Variants in LPIN1 observed in about 807,000 individuals in gnomAD.
The protein encoded by LPIN1 is lipin 1.
In LPIN1, 71 loss-of-function variants were observed where a neutral mutation model predicts 107.5. The ratio of observed to expected loss-of-function variants is 0.66; its 90% CI spans 0.55 to 0.80. The LOEUF (loss-of-function observed/expected upper bound fraction) is 0.80, where lower values mean the gene tolerates loss of function less well. LPIN1 is among the 30% of genes least tolerant of loss of function. LPIN1 has a pLI of 0.00. For synonymous variants in LPIN1, 445 were observed against 452.6 expected (o/e 0.98, Z 0.21); for missense variants, 1,043 against 1,160.6 (o/e 0.90, Z 1.47).
intron 2 of LPIN1, among the ~76,000 whole-genome samples, chr2:11,719,219 C>G (rs935797612): frequency 2.6e-5 from 4 of 151,988 alleles, no homozygotes; most frequent in African/African-American, 9.7e-5. Flanking sequence ...AATTGTTTCC[C>G]CTGTTTGTTA....
intron 20 of LPIN1, among the ~76,000 whole-genome samples, chr2:11,821,189 C>A (rs950274243): frequency 6.6e-6 from 1 of 152,176 alleles, no homozygotes; most frequent in African/African-American, 2.4e-5. Context: ...AGAGACTACA[C>A]CTCTTCTGGT....
chr2:11,741,033 C>T (rs1290752972), intron 1 of LPIN1: 1 of 205,302 alleles, frequency 4.9e-6, no homozygotes, highest in Non-Finnish European at 9.7e-6. Flanking sequence ...TTTACTTATT[C>T]ACAATTTGGG....
At chr2:11,703,528 G>A (rs1662985600) in intron 1 of LPIN1, among the ~76,000 whole-genome samples, 1 of 152,182 alleles carries the variant, frequency 6.6e-6, no homozygotes, top group South Asian at 2.1e-4. Flanking sequence ...AGGTGATAAA[G>A]CAATAGGATT....
chr2:11,767,863 G>A lies in LPIN1; in HGVS notation c.288+5G>A. On this transcript the variant is annotated splice_donor_5th_base_variant and intron_variant, in intron 3 of 20. Coordinates refer to ENST00000674199, the MANE Select transcript of LPIN1 (RefSeq NM_001349206.2). ...CAAGAAACAGATAATGATCAGGTAA[G>A]GAAGCCTGGGTGGTCAGGGTTACTT... 6.3e-7 allele frequency: 1 copy of A among 1,579,716 alleles called. No homozygotes were observed. Among genetic ancestry groups the A allele is most frequent in the Non-Finnish European group, 8.7e-7 (1 of 1,148,552 alleles).
chr2:11,749,650 A>G (rs1012301175), intron 1 of LPIN1, among the ~76,000 whole-genome samples: 3 of 152,104 alleles, frequency 2.0e-5, no homozygotes, highest in Admixed American at 2.0e-4. Flanking sequence ...GTGGCCCAGG[A>G]GTCTTAAAAC....
intron 1 of LPIN1, among the ~76,000 whole-genome samples, chr2:11,708,607 G>GTGC (rs909214598): frequency 6.6e-6 from 1 of 152,168 alleles, no homozygotes; most frequent in Non-Finnish European, 1.5e-5. Flanking sequence ...GTGGTGTGAT[G>GTGC]TGCTCAATGG....
upstream of LPIN1, chr2:11,723,853 A>G (rs1664344028): frequency 6.6e-6 from 1 of 152,230 alleles, no homozygotes; most frequent in Non-Finnish European, 1.5e-5. Flanking sequence ...TGATTGGACA[A>G]TAATTCAAAA....
Position 11,756,528 on chromosome 2 carries a change from AC to A in LPIN1, c.-9-9004del, listed in dbSNP as rs547659651. On this transcript the variant is annotated intron_variant, in intron 1 of 20. Transcript: ENST00000674199. Reference sequence around the variant, plus strand: ...CTCAGCCTCTCGAGTAGCTGGGATTACAGGCACTCACCATCATGCTAATTTT... The same window carrying A: ...CTCAGCCTCTCGAGTAGCTGGGATTAAGGCACTCACCATCATGCTAATTTT... Among the ~76,000 whole-genome samples the A allele has an allele frequency of 8.5e-5, 13 of 152,204 alleles. No individual in the cohort carries two copies. In the South Asian group the frequency reaches 2.7e-3, roughly 32 times the overall value.
chr2:11,824,686 C>G lies in LPIN1; in HGVS notation c.2676C>G (p.Ser892Arg). Residue 892 changes from serine (S) to arginine (R), a missense_variant, in exon 21 of 21, where the codon AGC (serine) becomes AGG (arginine). Transcript: ENST00000674199. ...ACGTTTTCCCGTTGCTGAAAAGAAGCCATTCTTCAGACTTTCCCTGTTCGG... is the reference window on the plus strand; with the variant it reads ...ACGTTTTCCCGTTGCTGAAAAGAAGGCATTCTTCAGACTTTCCCTGTTCGG... ...VDHVFPLLKR[S>R]HSSDFPCSDT... is the part of the protein sequence containing the mutation. The G allele has an allele frequency of 6.2e-7, 1 of 1,614,102 alleles. No individual in the cohort carries two copies. Among genetic ancestry groups the G allele is most frequent in the Non-Finnish European group, 8.5e-7 (1 of 1,180,018 alleles).
chr2:11,801,863 A>G (rs7566488), intron 14 of LPIN1, among the ~76,000 whole-genome samples: 30,653 of 152,080 alleles, frequency 0.2, 3,354 homozygotes, highest in Middle Eastern at 0.32. Context: ...GCAAATATAT[A>G]CGTTTATCAG....
chr2:11,761,277 A>G lies in LPIN1; in HGVS notation c.-9-4256A>G, dbSNP rs193081606. On this transcript the variant is annotated intron_variant, in intron 1 of 20. Transcript: ENST00000674199. ...CAAAGAATCATTTCTTATATTGTACATCTTTTCAGGAACCATCCCACTGCA... is the reference window on the plus strand; with the variant it reads ...CAAAGAATCATTTCTTATATTGTACGTCTTTTCAGGAACCATCCCACTGCA... Among the ~76,000 whole-genome samples the G allele has an allele frequency of 2.7e-4, 41 of 152,356 alleles. No individual in the cohort carries two copies. The East Asian group carries it at 5.8e-3, about 21-fold the overall frequency.
chr2:11,741,914 C>G (rs975236678), upstream of LPIN1: 1 of 152,582 alleles, frequency 6.6e-6, no homozygotes, highest in African/African-American at 2.4e-5. Context: ...AGTGATAAGT[C>G]CATGCAATCA....
At chr2:11,678,799 A>G (rs1292278236) in intron 1 of LPIN1, among the ~76,000 whole-genome samples, 1 of 152,194 alleles carries the variant, frequency 6.6e-6, no homozygotes, top group East Asian at 1.9e-4. Flanking sequence ...CCCTTTGGGC[A>G]AGTATTTCCT....
At chr2:11,746,590 G>GC (rs1666950469), upstream of LPIN1, 13 of 930,504 alleles carry the variant, frequency 1.4e-5, no homozygotes, top group South Asian at 6.0e-4. Flanking sequence ...CCCCTGCCCC[G>GC]CCCCCGAAGG....
intron 1 of LPIN1, among the ~76,000 whole-genome samples, chr2:11,736,715 C>T (rs1463288023): frequency 2.0e-5 from 3 of 152,210 alleles, no homozygotes; most frequent in Admixed American, 2.0e-4. Context: ...TTAGAAATAT[C>T]CATTGCAGTC....
chr2:11,789,529 CATGTGTGCGTGCAT>C (rs1675310151), intron 12 of LPIN1, among the ~76,000 whole-genome samples: 2 of 143,460 alleles, frequency 1.4e-5, no homozygotes, highest in Non-Finnish European at 3.1e-5. Context: ...TGGATGTGCA[CATGTGTGCGTGCAT>C]GTGTGGATGT....
rs780262395 is a variant in LPIN1 at position 11,802,999 on chromosome 2, A to G, written c.1979A>G (p.Tyr660Cys). Residue 660 changes from tyrosine (Y) to cysteine (C), a missense_variant, in exon 15 of 21, where the codon TAC (tyrosine) becomes TGC (cysteine). Physicochemically the swap from Tyr to Cys is radical, Grantham distance 194. Coordinates refer to ENST00000674199, the MANE Select transcript of LPIN1 (RefSeq NM_001349206.2). ...CTCCCTCTTCTGCCTAATGTCAGCTACAAGAAGACTCTCCGGCTGACTTCC... is the reference window on the plus strand; with the variant it reads ...CTCCCTCTTCTGCCTAATGTCAGCTGCAAGAAGACTCTCCGGCTGACTTCC... The part of the protein sequence containing the change: ...GHLPLLPNVS[Y>C]KKTLRLTSEQ... The G allele has an allele frequency of 1.7e-5, 27 of 1,612,896 alleles. No individual in the cohort carries two copies. Among genetic ancestry groups the G allele is most frequent in the Admixed American group, 3.3e-5 (2 of 60,012 alleles).
Position 11,827,123 on chromosome 2 carries a change from A to G in LPIN1, c.*2332A>G, listed in dbSNP as rs1682461759. On this transcript the variant is annotated 3_prime_UTR_variant, in exon 21 of 21. Coordinates refer to ENST00000674199, the MANE Select transcript of LPIN1 (RefSeq NM_001349206.2). This position sits in a 1 kb window ranked among gnomAD's most constrained non-coding sequence, Gnocchi z 4.1. ...ATGGAAATGAATCCTACTTAGTGAC[A>G]AGTCATCAAATGTTTGTCACATGTG... 1 of 152,690 alleles carries G rather than the reference A, an allele frequency of 6.5e-6. No individual in the cohort carries two copies. The highest frequency in any genetic ancestry group is 2.4e-5 in the African/African-American group (1 of 41,456). 9.5% of individuals were successfully genotyped at this position (152,690 alleles called of 1,614,324 possible).
At chr2:11,746,396 T>A (rs1259642040), upstream of LPIN1, among the ~76,000 whole-genome samples, 2 of 152,130 alleles carry the variant, frequency 1.3e-5, no homozygotes, top group Non-Finnish European at 2.9e-5. Context: ...ACACACGAGT[T>A]TGGCTCTGGA....
Sources: gnomAD v4.1 joint callset for allele counts (sites outside exome capture counted in the v4.1 genomes callset) on GRCh38, gnomAD v4.1.1 for gene constraint, Gnocchi (gnomAD v3.1) non-coding constraint, MANE v1.5 for transcripts, NCBI Gene and HGNC (gene_info 2026-07-23, HGNC 2026-07-21) for gene names.